GABBR2: variants seen among roughly 807,000 people sequenced by gnomAD.
The protein encoded by GABBR2 is gamma-aminobutyric acid type B receptor subunit 2, also known as G-protein coupled receptor 51.
Under a neutral mutation model 105.6 loss-of-function variants are expected in GABBR2, and 23 were observed. The observed-to-expected ratio is 0.22, with a 90% CI of 0.16 to 0.31. GABBR2 has a LOEUF of 0.31. GABBR2 is among the 10% of genes least tolerant of loss of function. GABBR2 has a pLI of 1.00. For synonymous variants in GABBR2, 478 were observed against 499.7 expected (o/e 0.96, Z 0.58); for missense variants, 734 against 1,245.5 (o/e 0.59, Z 6.18).
At chr9:98,545,261 A>G (rs1479239924) in intron 2 of GABBR2, among the ~76,000 whole-genome samples, 1 of 152,206 alleles carries the variant, frequency 6.6e-6, no homozygotes, top group Non-Finnish European at 1.5e-5. Context: ...GGAGTACAAT[A>G]TGTGCCCCGG....
intron 4 of GABBR2, among the ~76,000 whole-genome samples, chr9:98,490,092 C>T (rs1007530931): frequency 2.6e-5 from 4 of 152,106 alleles, no homozygotes; most frequent in Non-Finnish European, 4.4e-5. Context: ...CACACCTACA[C>T]GCAAAGCCCC....
chr9:98,388,352 G>A lies in GABBR2; in HGVS notation c.1529+502C>T, dbSNP rs564462870. On this transcript the variant is annotated intron_variant, in intron 10 of 18. Coordinates refer to ENST00000259455, the MANE Select transcript of GABBR2 (RefSeq NM_005458.8). The surrounding 1 kb of genome is among the most constrained non-coding windows in gnomAD (Gnocchi z 4.4). The stretch of plus-strand genomic sequence containing the variant: ...GGTCATACGGGATGATGGAAGGGAG[G>A]GCTTCCTGGCCGTAATGAACTGTAC... Among the ~76,000 whole-genome samples, 4 of 152,260 alleles carry A rather than the reference G, an allele frequency of 2.6e-5. No homozygotes were observed. The highest frequency in any genetic ancestry group is 4.1e-4 in the South Asian group (2 of 4,826).
Position 98,609,465 on chromosome 9 carries a change from G to A in GABBR2, c.322-31393C>T, listed in dbSNP as rs938628612. On this transcript the variant is annotated intron_variant, in intron 1 of 18. Transcript: ENST00000259455. ...CATGCCCATATTTCAAGTGAACGTCGGGGAGGAGTGGGAATGGTCTCCTGA... is the reference window on the plus strand; with the variant it reads ...CATGCCCATATTTCAAGTGAACGTCAGGGAGGAGTGGGAATGGTCTCCTGA... Among the ~76,000 whole-genome samples, 8 of 152,272 alleles carry A rather than the reference G, an allele frequency of 5.3e-5. No homozygotes were observed. The East Asian group carries it at 1.2e-3, about 22-fold the overall frequency.
At chr9:98,415,302 A>T (rs1485110217) in intron 7 of GABBR2, among the ~76,000 whole-genome samples, 1 of 152,146 alleles carries the variant, frequency 6.6e-6, no homozygotes, top group Non-Finnish European at 1.5e-5. Context: ...TGTGATAAGG[A>T]GGCACATTTT....
chr9:98,374,530 A>G (rs1037370203), intron 11 of GABBR2, among the ~76,000 whole-genome samples: 4 of 152,194 alleles, frequency 2.6e-5, no homozygotes, highest in African/African-American at 9.7e-5. Flanking sequence ...CTGGTTGTGC[A>G]AACAACGTGG....
intron 6 of GABBR2, among the ~76,000 whole-genome samples, chr9:98,459,385 T>C (rs765485254): frequency 3.9e-5 from 6 of 152,212 alleles, no homozygotes; most frequent in Non-Finnish European, 7.4e-5. Context: ...CCAAATTCTT[T>C]GCTGTTTTCC....
chr9:98,488,820 G>A (rs974681686), intron 4 of GABBR2, among the ~76,000 whole-genome samples: 2 of 152,128 alleles, frequency 1.3e-5, no homozygotes, highest in Admixed American at 6.5e-5. Context: ...GAGGCATGCC[G>A]TGGAGGTTAA....
intron 3 of GABBR2, among the ~76,000 whole-genome samples, chr9:98,501,129 C>G (rs554781932): frequency 4.5e-4 from 65 of 143,756 alleles, no homozygotes; most frequent in African/African-American, 3.3e-4. Context: ...ACCACTGCCC[C>G]CCCCCCTTCC....
At chr9:98,628,512 C>A (rs1317880601) in intron 1 of GABBR2, among the ~76,000 whole-genome samples, 1 of 152,078 alleles carries the variant, frequency 6.6e-6, no homozygotes, top group Non-Finnish European at 1.5e-5. Flanking sequence ...TGTGAAATTG[C>A]CCATTTTAGA....
intron 4 of GABBR2, among the ~76,000 whole-genome samples, chr9:98,492,407 G>C (rs12335397): frequency 1.2e-5 from 1 of 81,342 alleles, no homozygotes; most frequent in African/African-American, 3.8e-5. Flanking sequence ...AAATTGTGGA[G>C]ACTATATACA....
chr9:98,313,182 A>G (rs1240733118), intron 13 of GABBR2, among the ~76,000 whole-genome samples: 1 of 152,206 alleles, frequency 6.6e-6, no homozygotes, highest in Admixed American at 6.5e-5. Context: ...ACACATCACC[A>G]TAATTTTTTT....
chr9:98,587,374 A>G (rs78316820), intron 1 of GABBR2, among the ~76,000 whole-genome samples: 4,394 of 152,336 alleles, frequency 0.029, 77 homozygotes, highest in East Asian at 0.057. Context: ...TACATCATAC[A>G]GAGCTTGCTG....
At chr9:98,672,719 T>C (rs1009195828) in intron 1 of GABBR2, among the ~76,000 whole-genome samples, 2 of 152,380 alleles carry the variant, frequency 1.3e-5, no homozygotes, top group African/African-American at 2.4e-5. Context: ...TGTTTCACTT[T>C]TCTTTAATTA....
At chr9:98,646,783 A>T (rs1016686687) in intron 1 of GABBR2, among the ~76,000 whole-genome samples, 4 of 152,166 alleles carry the variant, frequency 2.6e-5, no homozygotes, top group Non-Finnish European at 5.9e-5. Flanking sequence ...ACAAAGTCCC[A>T]AGGCTAGCAG....
At chr9:98,429,008 A>C (rs536557765) in intron 7 of GABBR2, among the ~76,000 whole-genome samples, 5 of 152,282 alleles carry the variant, frequency 3.3e-5, no homozygotes, top group Admixed American at 3.3e-4. Flanking sequence ...GTAGGTTGGC[A>C]AAGACCATTG....
intron 4 of GABBR2, among the ~76,000 whole-genome samples, chr9:98,481,203 T>C (rs1479492911): frequency 6.6e-6 from 1 of 152,206 alleles, no homozygotes; most frequent in Non-Finnish European, 1.5e-5. Context: ...CTGTGGCTCC[T>C]GCAGTCAGTC....
intron 1 of GABBR2, among the ~76,000 whole-genome samples, chr9:98,705,296 T>C (rs1830879787): frequency 6.6e-6 from 1 of 152,252 alleles, no homozygotes; most frequent in South Asian, 2.1e-4. Context: ...ACACATGGCA[T>C]TGAGTGAGGT....
intron 13 of GABBR2, among the ~76,000 whole-genome samples, chr9:98,323,382 T>C (rs1830860219): frequency 6.6e-6 from 1 of 152,244 alleles, no homozygotes; most frequent in Admixed American, 6.5e-5. Flanking sequence ...AGCCCTGCCA[T>C]AAATTAGACT....
Position 98,299,324 on chromosome 9 carries a change from C to T in GABBR2, c.2442G>A (p.Met814Ile), listed in dbSNP as rs1208006485. 6.2e-7 allele frequency: 1 copy of T among 1,613,824 alleles called. No individual in the cohort carries two copies. Among genetic ancestry groups the T allele is most frequent in the Non-Finnish European group, 8.5e-7 (1 of 1,179,734 alleles). The change falls in exon 17 of 19, where the codon ATG (methionine) becomes ATA (isoleucine). Residue 814 changes from methionine to isoleucine, a missense_variant. Coordinates refer to ENST00000259455, the MANE Select transcript of GABBR2 (RefSeq NM_005458.8). The stretch of plus-strand genomic sequence containing the variant: ...TCTTTTCTGGTGTGTCCTGCAGCTG[C>T]ATGGTGACCTCTTCCAAGTCTTTAT... ...ELDKDLEEVT[M>I]QLQDTPEKTT... is the part of the protein sequence containing the mutation.
Sources: allele counts gnomAD v4.1 joint callset (sites outside exome capture counted in the v4.1 genomes callset), GRCh38; gene constraint gnomAD v4.1.1; non-coding constraint Gnocchi (gnomAD v3.1); transcripts MANE v1.5; gene names NCBI Gene and HGNC (gene_info 2026-07-23, HGNC 2026-07-21).